APOH: variants seen among roughly 807,000 people sequenced by gnomAD.
APOH encodes the protein beta-2-glycoprotein 1.
Under a neutral mutation model 39.8 loss-of-function variants are expected in APOH, and 48 were observed. The observed-to-expected ratio is 1.21, with a 90% CI of 0.96 to 1.54. The LOEUF (loss-of-function observed/expected upper bound fraction) is 1.54. Ranked by LOEUF, APOH falls within the 40% of genes most tolerant of loss-of-function variation. The probability of loss-of-function intolerance (pLI) is 0.00; values close to 1 mark genes in which losing one functional copy is unlikely to be tolerated. For synonymous variants in APOH, 153 were observed against 151.1 expected (o/e 1.01, Z -0.09); for missense variants, 415 against 421.2 (o/e 0.99, Z 0.13).
intron 4 of APOH, among the ~76,000 whole-genome samples, chr17:66,222,563 C>G (rs1032568448): frequency 7.6e-6 from 1 of 131,918 alleles, no homozygotes; most frequent in African/African-American, 2.9e-5. Flanking sequence ...TTACTTTCCA[C>G]TTGCTTTTTT....
chr17:66,223,619 A>G, intron 4 of APOH, 79 bp downstream of exon 4: 2 of 1,221,028 alleles, frequency 1.6e-6, no homozygotes, highest in South Asian at 2.4e-5. Context: ...GACTGAAGAG[A>G]TTCCAGATGT....
Position 66,212,157 on chromosome 17 carries a change from A to T in APOH, c.1014T>A (p.Asp338Glu), listed in dbSNP as rs764842797. The T allele has an allele frequency of 5.0e-6, 8 of 1,613,896 alleles. No individual in the cohort carries two copies. The highest frequency in any genetic ancestry group is 6.8e-6 in the Non-Finnish European group (8 of 1,179,896). ...EHSSLAFWKT[D>E]ASDVKPC is the part of the protein sequence containing the mutation. ...CTTAGCATGGCTTTACATCGGATGC[A>T]TCAGTTTTCCAAAAAGCCAGAGAAC... The change falls in exon 8 of 8, where the codon GAT becomes GAA. Residue 338 changes from aspartate (D) to glutamate (E), a missense_variant. Physicochemically the swap from Asp to Glu is conservative, Grantham distance 45. Coordinates refer to ENST00000205948, the MANE Select transcript of APOH (RefSeq NM_000042.3).
At chr17:66,224,701 A>T (rs867117405) in intron 3 of APOH, among the ~76,000 whole-genome samples, 1 of 65,742 alleles carries the variant, frequency 1.5e-5, no homozygotes, top group Admixed American at 1.5e-4. Flanking sequence ...GGGAAAGGAA[A>T]GGAAAGGAAA....
intron 4 of APOH, among the ~76,000 whole-genome samples, chr17:66,223,080 C>T (rs978455273): frequency 6.6e-6 from 1 of 152,132 alleles, no homozygotes; most frequent in Non-Finnish European, 1.5e-5. Context: ...TGGAGGAATG[C>T]CAATCAGCTC....
intron 3 of APOH, among the ~76,000 whole-genome samples, chr17:66,224,817 C>T (rs180949026): frequency 3.8e-4 from 58 of 150,854 alleles, no homozygotes; most frequent in Non-Finnish European, 6.5e-4. Context: ...ACCTGTAATC[C>T]CAGCACTTTG....
chr17:66,225,963 G>T, intron 3 of APOH, 65 bp downstream of exon 3: 1 of 1,141,178 alleles, frequency 8.8e-7, no homozygotes, highest in Non-Finnish European at 1.3e-6. Flanking sequence ...CAGTCTTGAT[G>T]TTTAGCTTAA....
chr17:66,225,794 G>A (rs542885534), intron 3 of APOH, among the ~76,000 whole-genome samples: 1 of 151,948 alleles, frequency 6.6e-6, no homozygotes, highest in Non-Finnish European at 1.5e-5. Context: ...GGAGAATGGT[G>A]TGAACCCAGG....
chr17:66,226,520 A>G (rs1416801575), intron 2 of APOH, among the ~76,000 whole-genome samples: 1 of 152,020 alleles, frequency 6.6e-6, no homozygotes, highest in Non-Finnish European at 1.5e-5. Context: ...CTGTAGTCCC[A>G]GCTACTCTGG....
chr17:66,225,962 T>A (rs549686880), intron 3 of APOH, 66 bp downstream of exon 3: 1 of 1,104,722 alleles, frequency 9.1e-7, no homozygotes, highest in East Asian at 2.4e-5. Context: ...CCAGTCTTGA[T>A]GTTTAGCTTA....
Position 66,221,325 on chromosome 17 carries a change from GGAAA to G in APOH, c.416-587_416-584del, listed in dbSNP as rs540526848. ...GGGAGGGAGGGAGGGAAGAAAGGAAGGAAAGAAAGAAAGAAAGGAAAGAAAGAAA... is the reference window on the plus strand; with the variant it reads ...GGGAGGGAGGGAGGGAAGAAAGGAAGGAAAGAAAGAAAGGAAAGAAAGAAA... On this transcript the variant is annotated intron_variant, in intron 4 of 7. Coordinates refer to ENST00000205948, the MANE Select transcript of APOH (RefSeq NM_000042.3). 5.7e-3 allele frequency among the ~76,000 whole-genome samples: 681 copies of G among 119,814 alleles called. 4 individuals carry two copies. The highest frequency in any genetic ancestry group is 8.5e-3 in the African/African-American group (267 of 31,238). 78.6% of individuals were successfully genotyped at this position (119,814 alleles called of 152,430 possible). A position where few individuals can be genotyped will look rare whatever the true frequency, so the allele number is the denominator to read the frequency against.
Position 66,220,675 on chromosome 17 carries a change from T to G in APOH, c.483A>C (p.Gly161=). The part of the protein sequence containing the change: ...ATLRVYKPSA[G]NNSLYRDTAV... ...CTGTGTCCCGATAGAGGGAATTGTT[T>G]CCAGCTGATGGCTTATAAACACGAA... Residue 161 remains glycine, a synonymous_variant, in exon 5 of 8, where the codon GGA becomes GGC. Transcript: ENST00000205948. 1.9e-6 allele frequency: 3 copies of G among 1,614,216 alleles called. No homozygotes were observed. Among genetic ancestry groups the G allele is most frequent in the Non-Finnish European group, 2.5e-6 (3 of 1,180,036 alleles).
chr17:66,221,679 C>A (rs916437751), intron 4 of APOH, among the ~76,000 whole-genome samples: 1 of 152,104 alleles, frequency 6.6e-6, no homozygotes, highest in African/African-American at 2.4e-5. Context: ...CCAGTTCAGT[C>A]TGTTTCTGCT....
At position 66,228,019 on chromosome 17, in the gene APOH, C is replaced by T. The variant is rs113131450; in HGVS notation, c.241+1G>A. The T allele has an allele frequency of 8.1e-6, 13 of 1,612,168 alleles. No homozygotes were observed. Among genetic ancestry groups the T allele is most frequent in the Admixed American group, 1.7e-5 (1 of 59,726 alleles). The stretch of plus-strand genomic sequence containing the variant: ...GAATGTGAGAGAAGGTACTGACTTA[C>T]GTGTACATTTCAGAGTGTTGATGGG... On this transcript the variant is annotated splice_donor_variant, in intron 2 of 7. Transcript: ENST00000205948. LOFTEE classifies it high-confidence loss of function.
intron 2 of APOH, 55 bp downstream of exon 2, chr17:66,227,965 A>C: frequency 6.4e-7 from 1 of 1,565,240 alleles, no homozygotes; most frequent in South Asian, 1.2e-5. Flanking sequence ...TTATTCCTCC[A>C]AAATACCCAG....
At chr17:66,225,884 A>T in intron 3 of APOH, 144 bp downstream of exon 3, 1 of 554,600 alleles carries the variant, frequency 1.8e-6, no homozygotes, top group Admixed American at 3.6e-5. Context: ...CTCAAAAAAA[A>T]AAAAAAGCAG....
chr17:66,219,037 G>A (rs2073382225), intron 5 of APOH, among the ~76,000 whole-genome samples: 2 of 151,832 alleles, frequency 1.3e-5, no homozygotes, highest in Non-Finnish European at 2.9e-5. Flanking sequence ...TATTATTATA[G>A]GAGACTAGAG....
At chr17:66,219,237 G>A (rs993888220) in intron 5 of APOH, among the ~76,000 whole-genome samples, 1 of 152,068 alleles carries the variant, frequency 6.6e-6, no homozygotes, top group African/African-American at 2.4e-5. Flanking sequence ...CATATGAAGT[G>A]ATGATATAAA....
intron 4 of APOH, among the ~76,000 whole-genome samples, chr17:66,221,381 GAGGAAGGA>G (rs1230021025): frequency 0.068 from 1,935 of 28,398 alleles, 64 homozygotes; most frequent in Non-Finnish European, 0.074. Context: ...GGGAGGGAGG[GAGGAAGGA>G]AGGAAGGAAG....
At chr17:66,224,793 C>T (rs915302142) in intron 3 of APOH, among the ~76,000 whole-genome samples, 4 of 144,126 alleles carry the variant, frequency 2.8e-5, no homozygotes, top group Non-Finnish European at 6.2e-5. Flanking sequence ...GAGCAGGATG[C>T]CATGGTGGCT....
Sources: allele counts gnomAD v4.1 joint callset (sites outside exome capture counted in the v4.1 genomes callset), GRCh38; gene constraint gnomAD v4.1.1; transcripts MANE v1.5; gene names NCBI Gene and HGNC (gene_info 2026-07-23, HGNC 2026-07-21).